Variants in SHANK2 observed in about 807,000 individuals in gnomAD.
SHANK2 encodes the protein SH3 and multiple ankyrin repeat domains 2.
A neutral mutation model predicts 133.7 loss-of-function variants in SHANK2; 43 were observed. The observed-to-expected ratio is 0.32, with a 90% CI of 0.25 to 0.41. The LOEUF is 0.41. Ranked by LOEUF, SHANK2 falls within the 10% of genes least tolerant of loss-of-function variation. SHANK2 has a pLI of 1.00. For missense variants in SHANK2, 1,994 were observed against 2,235.8 expected (o/e 0.89, Z 2.18); for synonymous variants, 1,017 against 952.8 (o/e 1.07, Z -1.24).
chr11:70,728,558 C>A (rs1324172742), intron 14 of SHANK2, among the ~76,000 whole-genome samples: 1 of 152,226 alleles, frequency 6.6e-6, no homozygotes, highest in Non-Finnish European at 1.5e-5. Context: ...TGGAACGGGG[C>A]TGGGCTTTTT....
chr11:71,113,263 C>A (rs1005584662), intron 5 of SHANK2, 30 bp downstream of exon 5: 1 of 1,543,198 alleles, frequency 6.5e-7, no homozygotes. Flanking sequence ...GCCTGCCTAA[C>A]GTGTAAATAA....
At chr11:70,711,354 G>A (rs1041968766) in intron 14 of SHANK2, among the ~76,000 whole-genome samples, 31 of 152,344 alleles carry the variant, frequency 2.0e-4, no homozygotes, top group African/African-American at 4.1e-4. Context: ...GCCTCCTGCC[G>A]TCTCCGCAGG....
chr11:70,796,573 G>A (rs1048523432), intron 14 of SHANK2, among the ~76,000 whole-genome samples: 2 of 152,222 alleles, frequency 1.3e-5, no homozygotes, highest in Non-Finnish European at 2.9e-5. Flanking sequence ...TGAGCTCCAG[G>A]GCCTGGCCCT....
rs1473698129 is a variant in SHANK2 at position 70,701,155 on chromosome 11, TGTGTGTGTACGC to T, written c.1778-2404_1778-2393del. On this transcript the variant is annotated intron_variant, in intron 14 of 25. Coordinates refer to ENST00000601538, the MANE Select transcript of SHANK2 (RefSeq NM_012309.5). ...AGGAGTGTGTAGTGGAATGTGTGCG[TGTGTGTGTACGC>T]GTGTGTGTGTGTGTGTATTTACCAG... Among the ~76,000 whole-genome samples, 248 of 151,500 alleles carry T rather than the reference TGTGTGTGTACGC, an allele frequency of 1.6e-3. 3 individuals carry two copies. The highest frequency in any genetic ancestry group is 5.6e-3 in the African/African-American group (230 of 41,354).
chr11:70,755,153 C>A (rs1946840612), intron 14 of SHANK2, among the ~76,000 whole-genome samples: 1 of 151,874 alleles, frequency 6.6e-6, no homozygotes, highest in South Asian at 2.1e-4. Context: ...CTCACTGCAA[C>A]CTCTGCTTCC....
chr11:70,599,891 A>AAAGAAAG (rs1565166130), intron 17 of SHANK2, among the ~76,000 whole-genome samples: 1 of 72,112 alleles, frequency 1.4e-5, no homozygotes, highest in Non-Finnish European at 2.8e-5. Context: ...AAGAAAGAAA[A>AAAGAAAG]AGAAAGAAAG....
intron 25 of SHANK2, among the ~76,000 whole-genome samples, chr11:70,483,832 C>T (rs1415362418): frequency 2.6e-5 from 4 of 152,220 alleles, no homozygotes; most frequent in African/African-American, 9.6e-5. Context: ...AACTGTGCTT[C>T]TCTATACCAA....
intron 23 of SHANK2, chr11:70,489,825 A>C: frequency 7.7e-6 from 1 of 130,278 alleles, no homozygotes. Context: ...ACATTATTTC[A>C]TTTCGAGACC....
rs782263510 is a variant in SHANK2, at chr11:71,092,469, C to T, written c.865G>A (p.Ala289Thr). 9.0e-6 allele frequency: 14 copies of T among 1,551,272 alleles called. No individual in the cohort carries two copies. Among genetic ancestry groups the T allele is most frequent in the South Asian group, 4.8e-5 (4 of 84,040 alleles). ...TTCTCATCTTTGCAGCACACAGTGG[C>T]GTGTTCGTGCAGGAGAAGCTCGCAG... is the stretch of plus-strand genomic sequence containing the variant. Reference protein sequence around the residue: ...YCCELLLHEHATVCCKDENGW... With the variant: ...YCCELLLHEHTTVCCKDENGW... Residue 289 changes from alanine to threonine, a missense_variant, in exon 8 of 26, where the codon GCC (alanine) becomes ACC (threonine). Around this residue, in one of 5 missense-constraint regions of SHANK2, gnomAD observed 653 missense variants for 563.4 expected, o/e 1.16. Coordinates refer to ENST00000601538, the MANE Select transcript of SHANK2 (RefSeq NM_012309.5).
intron 11 of SHANK2, among the ~76,000 whole-genome samples, chr11:70,876,026 C>A (rs1476632318): frequency 6.6e-6 from 1 of 151,824 alleles, no homozygotes; most frequent in Admixed American, 6.6e-5. Context: ...TGTGGTGGTG[C>A]ATGCCTGTAA....
chr11:70,563,597 G>A (rs2059934743), intron 17 of SHANK2, among the ~76,000 whole-genome samples: 1 of 137,640 alleles, frequency 7.3e-6, no homozygotes, highest in Non-Finnish European at 1.5e-5. Flanking sequence ...AGAGTGCAAT[G>A]GTGTGATCTT....
At chr11:70,744,161 C>T (rs897169561) in intron 14 of SHANK2, among the ~76,000 whole-genome samples, 1 of 152,226 alleles carries the variant, frequency 6.6e-6, no homozygotes, top group Non-Finnish European at 1.5e-5. Context: ...ACACAGGGCC[C>T]CAGAGCCACA....
At chr11:71,137,499 A>G (rs2135364603) in intron 3 of SHANK2, among the ~76,000 whole-genome samples, 1 of 152,060 alleles carries the variant, frequency 6.6e-6, no homozygotes, top group Non-Finnish European at 1.5e-5. Context: ...GCAGCAGGAG[A>G]TGTGACCGTG....
intron 11 of SHANK2, among the ~76,000 whole-genome samples, chr11:70,893,426 G>A (rs186817057): frequency 6.6e-6 from 1 of 152,316 alleles, no homozygotes; most frequent in East Asian, 1.9e-4. Context: ...CAACCTACAG[G>A]TTTAGTTAAG....
Position 71,167,410 on chromosome 11 carries a change from G to A in SHANK2, c.-12-20072C>T, listed in dbSNP as rs1340587101. Among the ~76,000 whole-genome samples the A allele has an allele frequency of 9.5e-5, 14 of 148,004 alleles. No homozygotes were observed. In the Admixed American group the frequency reaches 9.5e-4, roughly 10 times the overall value. The stretch of plus-strand genomic sequence containing the variant: ...CCGGACAGGGCGGCTGGCCGGGCGG[G>A]GGGCTGACCCCCCCCACCTCCCTCC... On this transcript the variant is annotated intron_variant, in intron 2 of 25. Coordinates refer to ENST00000601538, the MANE Select transcript of SHANK2 (RefSeq NM_012309.5).
intron 17 of SHANK2, among the ~76,000 whole-genome samples, chr11:70,631,408 A>ACACACACACACACACACACACC (rs1555002113): frequency 2.7e-5 from 4 of 148,802 alleles, no homozygotes; most frequent in Admixed American, 2.0e-4. Flanking sequence ...ACACACACAC[A>ACACACACACACACACACACACC]CCCACACAAC....
At position 70,868,459 on chromosome 11, in the gene SHANK2, C is replaced by T. The variant is rs948539697; in HGVS notation, c.1174+28042G>A. On this transcript the variant is annotated intron_variant, in intron 11 of 25. Transcript: ENST00000601538. Reference sequence around the variant, plus strand: ...TACCACCACTGCTACTAGCTGGGCACGAGGCTATTGACTATTATTTATCCC... The same window carrying T: ...TACCACCACTGCTACTAGCTGGGCATGAGGCTATTGACTATTATTTATCCC... Among the ~76,000 whole-genome samples the T allele has an allele frequency of 2.6e-5, 4 of 152,328 alleles. No individual in the cohort carries two copies. In the South Asian group the frequency reaches 6.2e-4, roughly 24 times the overall value.
chr11:70,895,353 C>T (rs1949917264), intron 11 of SHANK2: 2 of 152,738 alleles, frequency 1.3e-5, no homozygotes, highest in African/African-American at 2.4e-5. Flanking sequence ...CAGGAGCACC[C>T]CCCTGACCCC....
Position 70,473,576 on chromosome 11 carries a change from C to A in SHANK2, c.4980-137G>T. Reference sequence around the variant, plus strand: ...TAGTGGCAGATCCACTGGCAGTGAACGAATGATTTGCCATGCCAGGGTGGG... The same window carrying A: ...TAGTGGCAGATCCACTGGCAGTGAAAGAATGATTTGCCATGCCAGGGTGGG... On this transcript the variant is annotated intron_variant, in intron 25 of 25. Coordinates refer to ENST00000601538, the MANE Select transcript of SHANK2 (RefSeq NM_012309.5). This position sits in a 1 kb window ranked among gnomAD's most constrained non-coding sequence, Gnocchi z 5.9. 1 of 823,562 alleles carries A rather than the reference C, an allele frequency of 1.2e-6. No individual in the cohort carries two copies. Among genetic ancestry groups the A allele is most frequent in the South Asian group, 1.5e-5 (1 of 68,844 alleles). The allele number at this position is 823,562 out of a possible 1,614,324, so 51.0% of individuals were successfully genotyped here.
Sources: allele counts gnomAD v4.1 joint callset (sites outside exome capture counted in the v4.1 genomes callset), GRCh38; gene constraint gnomAD v4.1.1; regional missense constraint gnomAD v4.1.1; non-coding constraint Gnocchi (gnomAD v3.1); transcripts MANE v1.5; gene names NCBI Gene and HGNC (gene_info 2026-07-23, HGNC 2026-07-21).